FAAH2: variants seen among roughly 807,000 people sequenced by gnomAD.
The protein encoded by FAAH2 is fatty-acid amide hydrolase 2.
Under a neutral mutation model 36.9 loss-of-function variants are expected in FAAH2, and 60 were observed. The observed-to-expected ratio is 1.63, with a 90% CI of 1.32 to 2.02. The LOEUF is 2.02. FAAH2 is among the 30% of genes most tolerant of loss of function. The pLI, the probability that FAAH2 is intolerant of heterozygous loss-of-function variation, is 0.00. For missense variants in FAAH2, 689 were observed against 397.5 expected (o/e 1.73, Z -6.23); for synonymous variants, 214 against 143.8 (o/e 1.49, Z -3.49).
chrX:57,254,065 G>A, the FAAH2 span, among the ~76,000 whole-genome samples: 1 of 110,203 alleles, frequency 9.1e-6, no homozygotes, highest in East Asian at 2.8e-4. Context: ...GACACACATA[G>A]GCTCAAAATA....
chrX:57,231,712 GA>G, the FAAH2 span, among the ~76,000 whole-genome samples: 1 of 111,963 alleles, frequency 8.9e-6, no homozygotes, highest in Non-Finnish European at 1.9e-5. Context: ...AATTAGAAAT[GA>G]AATTTGAACC....
chrX:57,437,158 G>A (rs1010095874), intron 8 of FAAH2, among the ~76,000 whole-genome samples: 5 of 111,174 alleles, frequency 4.5e-5, no homozygotes, highest in Non-Finnish European at 9.5e-5. Flanking sequence ...GCAGGAAAAA[G>A]CATTTAATAA....
intron 7 of FAAH2, among the ~76,000 whole-genome samples, chrX:57,383,628 A>G (rs777679594): frequency 1.8e-5 from 2 of 111,889 alleles, no homozygotes; most frequent in South Asian, 3.8e-4. Context: ...GATGTGAAGG[A>G]CCTCTTCAAG....
At chrX:57,308,983 T>C (rs2052618956) in intron 2 of FAAH2, among the ~76,000 whole-genome samples, 2 of 112,388 alleles carry the variant, frequency 1.8e-5, no homozygotes, top group Non-Finnish European at 3.8e-5. Flanking sequence ...TTTTTAATAC[T>C]TTGAATATTT....
chrX:57,327,503 A>G (rs989308423), intron 3 of FAAH2, among the ~76,000 whole-genome samples: 1 of 109,444 alleles, frequency 9.1e-6, no homozygotes, highest in African/African-American at 3.3e-5. Context: ...TGGTGTTTTC[A>G]CATAGTCCCA....
intron 10 of FAAH2, 22 bp downstream of exon 10, chrX:57,448,740 A>G (rs777948638): frequency 2.6e-6 from 3 of 1,152,072 alleles, no homozygotes; most frequent in South Asian, 3.8e-5. Context: ...TATTCCTTAC[A>G]TTCTGTAATC....
upstream of FAAH2, among the ~76,000 whole-genome samples, chrX:57,284,455 G>A (rs1602153221): frequency 8.9e-6 from 1 of 111,757 alleles, no homozygotes; most frequent in Non-Finnish European, 1.9e-5. Flanking sequence ...CTTTTAAAAA[G>A]CAGGAAATTT....
chrX:57,224,416 T>C, the FAAH2 span, among the ~76,000 whole-genome samples: 1 of 111,489 alleles, frequency 9.0e-6, no homozygotes, highest in Admixed American at 9.5e-5. Flanking sequence ...TGGTCCCTTT[T>C]CCCTTTTCTC....
the FAAH2 span, among the ~76,000 whole-genome samples, chrX:57,176,946 A>C: frequency 9.1e-6 from 1 of 110,358 alleles, no homozygotes; most frequent in African/African-American, 3.3e-5. Flanking sequence ...CAAGTTCTCC[A>C]TCTCCTCTGG....
the FAAH2 span, among the ~76,000 whole-genome samples, chrX:57,242,827 G>A: frequency 3.0e-4 from 34 of 112,228 alleles, no homozygotes; most frequent in South Asian, 7.1e-3. Context: ...ACAAAACTGG[G>A]CATCTGTGTG....
intron 5 of FAAH2, among the ~76,000 whole-genome samples, chrX:57,364,111 G>A (rs1381537589): frequency 5.0e-5 from 5 of 100,121 alleles, no homozygotes; most frequent in Admixed American, 1.2e-4. Context: ...TGACTTTTTG[G>A]AATAATTTAA....
the FAAH2 span, among the ~76,000 whole-genome samples, chrX:57,175,439 A>G: frequency 1.8e-5 from 2 of 111,451 alleles, no homozygotes; most frequent in Non-Finnish European, 3.8e-5. Context: ...CCACCCCTTT[A>G]CCTTGAATCC....
At chrX:57,249,981 G>A in the FAAH2 span, among the ~76,000 whole-genome samples, 2 of 111,792 alleles carry the variant, frequency 1.8e-5, no homozygotes, top group African/African-American at 3.2e-5. Flanking sequence ...GAAATGGCTA[G>A]TTTAGTGTCC....
the FAAH2 span, among the ~76,000 whole-genome samples, chrX:57,148,789 A>G: frequency 2.7e-5 from 3 of 111,508 alleles, no homozygotes; most frequent in African/African-American, 9.8e-5. Flanking sequence ...CAGAACTTCC[A>G]ACACTAGTTG....
At chrX:57,142,569 G>A in the FAAH2 span, among the ~76,000 whole-genome samples, 1 of 112,191 alleles carries the variant, frequency 8.9e-6, no homozygotes, top group Non-Finnish European at 1.9e-5. Flanking sequence ...GGAGAAGAAT[G>A]TGTATTCTGC....
chrX:57,303,167 C>A (rs1446655221), intron 2 of FAAH2, among the ~76,000 whole-genome samples: 3 of 111,634 alleles, frequency 2.7e-5, no homozygotes, highest in African/African-American at 9.8e-5. Flanking sequence ...CCCTGCCCCA[C>A]CTGGTTGGGA....
chrX:57,378,034 G>T (rs1377735101), intron 5 of FAAH2, among the ~76,000 whole-genome samples: 1 of 111,684 alleles, frequency 9.0e-6, no homozygotes, highest in African/African-American at 3.3e-5. Context: ...AGAAAGTTTT[G>T]GGCTGAGAGA....
chrX:57,260,987 G>A, the FAAH2 span, among the ~76,000 whole-genome samples: 1 of 111,713 alleles, frequency 9.0e-6, no homozygotes, highest in Non-Finnish European at 1.9e-5. Context: ...TATTTTAGTA[G>A]CTATGTACAA....
At chrX:57,413,657 G>A (rs1186921182) in intron 7 of FAAH2, among the ~76,000 whole-genome samples, 1 of 111,768 alleles carries the variant, frequency 8.9e-6, no homozygotes, top group African/African-American at 3.3e-5. Context: ...GATGCCTCCA[G>A]CTTTGTTCAT....
Sources: allele counts gnomAD v4.1 joint callset (sites outside exome capture counted in the v4.1 genomes callset), GRCh38; gene constraint gnomAD v4.1.1; transcripts MANE v1.5; gene names NCBI Gene and HGNC (gene_info 2026-07-23, HGNC 2026-07-21).